CHCHD6: variants seen among roughly 807,000 people sequenced by gnomAD.
CHCHD6 encodes the protein coiled-coil-helix-coiled-coil-helix domain containing 6.
CHCHD6 carries 28 observed loss-of-function variants against 32.3 expected under a neutral mutation model. The ratio of observed to expected loss-of-function variants is 0.87; its 90% CI spans 0.64 to 1.19. The LOEUF (loss-of-function observed/expected upper bound fraction) is 1.19, where lower values mean the gene tolerates loss of function less well. CHCHD6 is among the 50% of genes most tolerant of loss of function. The pLI, the probability that CHCHD6 is intolerant of heterozygous loss-of-function variation, is 0.00. For synonymous variants in CHCHD6, 122 were observed against 117.5 expected, an observed-to-expected ratio of 1.04 and a Z score of -0.25; for missense variants, 333 against 307.0, an observed-to-expected ratio of 1.08 and a Z score of -0.63.
At chr3:126,853,054 A>C (rs1191352088) in intron 5 of CHCHD6, among the ~76,000 whole-genome samples, 1 of 152,150 alleles carries the variant, frequency 6.6e-6, no homozygotes, top group African/African-American at 2.4e-5. Context: ...GTCCCAGTAT[A>C]CCTTTTCCAC....
At chr3:126,952,730 G>T (rs1166189104) in intron 6 of CHCHD6, among the ~76,000 whole-genome samples, 1 of 152,160 alleles carries the variant, frequency 6.6e-6, no homozygotes, top group South Asian at 2.1e-4. Flanking sequence ...AGAGATGAAT[G>T]TGTTTTGGAT....
chr3:126,770,216 T>C (rs192421082), intron 4 of CHCHD6, among the ~76,000 whole-genome samples: 77 of 152,348 alleles, frequency 5.1e-4, no homozygotes, highest in African/African-American at 1.8e-3. Flanking sequence ...TGTGCTGAAG[T>C]TGTTTATCAG....
At chr3:126,904,854 C>T (rs1203924314) in intron 5 of CHCHD6, among the ~76,000 whole-genome samples, 2 of 152,162 alleles carry the variant, frequency 1.3e-5, no homozygotes, top group African/African-American at 4.8e-5. Flanking sequence ...AGCCAGCCAG[C>T]TTCGTTAAGA....
intron 5 of CHCHD6, among the ~76,000 whole-genome samples, chr3:126,885,877 T>C (rs72980866): frequency 0.032 from 4,852 of 152,246 alleles, 172 homozygotes; most frequent in East Asian, 0.16. Flanking sequence ...GGAGGGATGA[T>C]GCTGACAGGA....
intron 5 of CHCHD6, among the ~76,000 whole-genome samples, chr3:126,862,560 C>T (rs1199234984): frequency 2.2e-5 from 3 of 138,442 alleles, no homozygotes; most frequent in Non-Finnish European, 3.2e-5. Context: ...CCTCCTCCTC[C>T]ACCATCACCA....
At chr3:126,957,914 C>A in intron 7 of CHCHD6, 1 of 374,594 alleles carries the variant, frequency 2.7e-6, no homozygotes, top group South Asian at 2.4e-5. Flanking sequence ...GTGGCAGAGG[C>A]CCGAGTGCAG....
At chr3:126,934,807 C>G (rs2078455598) in intron 6 of CHCHD6, among the ~76,000 whole-genome samples, 1 of 152,150 alleles carries the variant, frequency 6.6e-6, no homozygotes, top group Non-Finnish European at 1.5e-5. Flanking sequence ...CCTCGGCCTC[C>G]CAGAGTGCTG....
chr3:126,779,705 T>C (rs1937838853), intron 4 of CHCHD6, among the ~76,000 whole-genome samples: 1 of 152,182 alleles, frequency 6.6e-6, no homozygotes, highest in Non-Finnish European at 1.5e-5. Flanking sequence ...TTGAAAAGAC[T>C]AGTCTTTCCC....
intron 1 of CHCHD6, among the ~76,000 whole-genome samples, chr3:126,711,976 A>G (rs187194055): frequency 6.6e-6 from 1 of 152,346 alleles, no homozygotes; most frequent in East Asian, 1.9e-4. Context: ...ACATGTTCTG[A>G]CAAGTGCTGA....
At chr3:126,821,826 G>T (rs1328836577) in intron 4 of CHCHD6, among the ~76,000 whole-genome samples, 7 of 152,142 alleles carry the variant, frequency 4.6e-5, no homozygotes. Flanking sequence ...TAAGGTTAGT[G>T]ATACTGAACA....
At chr3:126,749,836 G>A (rs890177193) in intron 4 of CHCHD6, among the ~76,000 whole-genome samples, 5 of 152,364 alleles carry the variant, frequency 3.3e-5, no homozygotes, top group Admixed American at 3.3e-4. Flanking sequence ...GCTAGTGACA[G>A]GTTGTTTAGG....
At chr3:126,812,507 T>C (rs1939705232) in intron 4 of CHCHD6, among the ~76,000 whole-genome samples, 1 of 151,970 alleles carries the variant, frequency 6.6e-6, no homozygotes, top group Non-Finnish European at 1.5e-5. Flanking sequence ...TACTGCAACC[T>C]CCGCCTCCTG....
chr3:126,936,030 A>G (rs935054194), intron 6 of CHCHD6, among the ~76,000 whole-genome samples: 3 of 152,238 alleles, frequency 2.0e-5, no homozygotes, highest in South Asian at 2.1e-4. Flanking sequence ...TGGAATGTAC[A>G]TATGTACTTG....
At chr3:126,759,464 C>A (rs569465449) in intron 4 of CHCHD6, among the ~76,000 whole-genome samples, 3 of 152,188 alleles carry the variant, frequency 2.0e-5, no homozygotes, top group Non-Finnish European at 4.4e-5. Flanking sequence ...CAGTCAAGGA[C>A]ATGCATTTCT....
intron 6 of CHCHD6, chr3:126,957,151 C>A: frequency 3.7e-6 from 2 of 535,068 alleles, no homozygotes; most frequent in East Asian, 6.5e-5. Context: ...TGAAGGAGCC[C>A]GGTGTGGAGC....
At position 126,788,519 on chromosome 3, in the gene CHCHD6, T is replaced by G. The variant is rs776644038; in HGVS notation, c.411+55297T>G. On this transcript the variant is annotated intron_variant, in intron 4 of 7. Transcript: ENST00000290913. Reference sequence around the variant, plus strand: ...AATTTCAGAGCCTGTTATTGGTCTATTCAGGGATTCAGCTTCTTCCTGGTT... The same window carrying G: ...AATTTCAGAGCCTGTTATTGGTCTAGTCAGGGATTCAGCTTCTTCCTGGTT... Among the ~76,000 whole-genome samples the G allele has an allele frequency of 1.8e-4, 27 of 152,340 alleles. 1 individual carries two copies. The highest frequency in any genetic ancestry group is 3.8e-4 in the Non-Finnish European group (26 of 68,026).
At chr3:126,941,979 C>T (rs2078567129) in intron 6 of CHCHD6, among the ~76,000 whole-genome samples, 1 of 152,200 alleles carries the variant, frequency 6.6e-6, no homozygotes, top group African/African-American at 2.4e-5. Context: ...GCATCATCAG[C>T]TCCTTCATAT....
At chr3:126,948,447 GTC>G (rs2078670732) in intron 6 of CHCHD6, among the ~76,000 whole-genome samples, 2 of 152,188 alleles carry the variant, frequency 1.3e-5, no homozygotes, top group Non-Finnish European at 2.9e-5. Flanking sequence ...CTGTGTTGTG[GTC>G]TCTGTGTCTC....
intron 5 of CHCHD6, among the ~76,000 whole-genome samples, chr3:126,886,075 T>C (rs1377326604): frequency 2.6e-5 from 4 of 152,330 alleles, no homozygotes; most frequent in Non-Finnish European, 5.9e-5. Flanking sequence ...GGGAGGCTGC[T>C]AGATTGTAAC....
Sources: allele counts gnomAD v4.1 joint callset (sites outside exome capture counted in the v4.1 genomes callset), GRCh38; gene constraint gnomAD v4.1.1; transcripts MANE v1.5; gene names NCBI Gene and HGNC (gene_info 2026-07-23, HGNC 2026-07-21).